Variants in FBXL20 observed in about 807,000 individuals in gnomAD.
FBXL20 encodes F-box and leucine rich repeat protein 20.
FBXL20 carries 11 observed loss-of-function variants against 64.0 expected under a neutral mutation model. The ratio of observed to expected loss-of-function variants is 0.17; its 90% CI spans 0.11 to 0.28. The LOEUF is 0.28. Among genes scored for constraint, FBXL20 ranks in the 10% least tolerant of loss-of-function variants. FBXL20 has a pLI of 1.00. For synonymous variants in FBXL20, 184 were observed against 189.0 expected (o/e 0.97, Z 0.22); for missense variants, 303 against 526.2 (o/e 0.58, Z 4.15).
At chr17:39,370,162 T>A (rs1439200032) in intron 1 of FBXL20, among the ~76,000 whole-genome samples, 2 of 151,418 alleles carry the variant, frequency 1.3e-5, no homozygotes, top group Non-Finnish European at 2.9e-5. Flanking sequence ...AAATAATGTT[T>A]GCATGTGTCC....
At chr17:39,348,117 G>A (rs1444941304) in intron 1 of FBXL20, among the ~76,000 whole-genome samples, 7 of 145,540 alleles carry the variant, frequency 4.8e-5, no homozygotes, top group South Asian at 4.2e-4. Context: ...AGAGAGTCTC[G>A]CAGGGCACAT....
At chr17:39,274,826 G>A (rs1423310237) in intron 10 of FBXL20, 144 bp downstream of exon 10, 9 of 949,026 alleles carry the variant, frequency 9.5e-6, no homozygotes, top group Non-Finnish European at 1.2e-5. Context: ...CAAAAAGGAA[G>A]TAGGTGGGCA....
At chr17:39,312,232 C>G (rs1398263033) in intron 2 of FBXL20, among the ~76,000 whole-genome samples, 1 of 151,768 alleles carries the variant, frequency 6.6e-6, no homozygotes, top group Non-Finnish European at 1.5e-5. Context: ...CTGGCCAACA[C>G]AGTAAAACCC....
chr17:39,377,735 C>T (rs2047981780), intron 1 of FBXL20, among the ~76,000 whole-genome samples: 1 of 152,090 alleles, frequency 6.6e-6, no homozygotes, highest in Non-Finnish European at 1.5e-5. Context: ...ATCTCCTGAC[C>T]TCGTGATCCG....
chr17:39,317,471 C>G (rs1039186036), intron 2 of FBXL20, among the ~76,000 whole-genome samples: 1 of 151,956 alleles, frequency 6.6e-6, no homozygotes, highest in Non-Finnish European at 1.5e-5. Flanking sequence ...ACCACGTGAT[C>G]CGACCGTCTC....
chr17:39,334,874 G>A (rs754007195), intron 2 of FBXL20, among the ~76,000 whole-genome samples: 2 of 152,128 alleles, frequency 1.3e-5, no homozygotes, highest in Admixed American at 6.5e-5. Context: ...TGGATCCTGA[G>A]GTCACAAGAT....
At chr17:39,333,035 T>C (rs1299010636) in intron 2 of FBXL20, among the ~76,000 whole-genome samples, 3 of 151,896 alleles carry the variant, frequency 2.0e-5, no homozygotes, top group African/African-American at 7.3e-5. Flanking sequence ...ACTCCTGGCC[T>C]GAAGCAATCC....
At chr17:39,394,058 G>C (rs568027833) in intron 1 of FBXL20, among the ~76,000 whole-genome samples, 1 of 152,232 alleles carries the variant, frequency 6.6e-6, no homozygotes, top group Admixed American at 6.5e-5. Context: ...TTGGGTGGGA[G>C]GGGTCTGATC....
chr17:39,361,805 A>T (rs914665854), intron 1 of FBXL20, among the ~76,000 whole-genome samples: 3 of 152,032 alleles, frequency 2.0e-5, no homozygotes, highest in Non-Finnish European at 4.4e-5. Flanking sequence ...TCAAAAAAAA[A>T]TGCTTTCTTG....
At chr17:39,305,856 G>C (rs1220833215) in intron 2 of FBXL20, among the ~76,000 whole-genome samples, 2 of 151,786 alleles carry the variant, frequency 1.3e-5, no homozygotes, top group Non-Finnish European at 1.5e-5. Context: ...GTGGTGGTGG[G>C]GGCGCTTGTA....
chr17:39,313,860 C>A (rs1355951700), intron 2 of FBXL20, among the ~76,000 whole-genome samples: 3 of 152,026 alleles, frequency 2.0e-5, no homozygotes, highest in Non-Finnish European at 4.4e-5. Context: ...GTCTCCAACT[C>A]CCGACCTCAA....
At position 39,297,112 on chromosome 17, in the gene FBXL20, A is replaced by T. The variant is rs2047093323; in HGVS notation, c.398+15T>A. The stretch of plus-strand genomic sequence containing the variant: ...AGGGGTTATGACTTATCCTCCAAAA[A>T]CATAAAATACTTACGCGTCTGTTGT... On this transcript the variant is annotated intron_variant, in intron 6 of 14. Coordinates refer to ENST00000264658, the MANE Select transcript of FBXL20 (RefSeq NM_032875.3). 6.3e-7 allele frequency: 1 copy of T among 1,591,118 alleles called. No individual in the cohort carries two copies. Among genetic ancestry groups the T allele is most frequent in the Admixed American group, 1.7e-5 (1 of 59,516 alleles).
upstream of FBXL20, chr17:39,402,053 C>A: frequency 1.1e-6 from 1 of 909,824 alleles, no homozygotes. Context: ...AGGCACGCAC[C>A]TGCCTGCACA....
intron 1 of FBXL20, among the ~76,000 whole-genome samples, chr17:39,374,769 G>A (rs1488732499): frequency 1.3e-5 from 2 of 152,074 alleles, no homozygotes; most frequent in Admixed American, 6.6e-5. Flanking sequence ...TAAGCGGACA[G>A]CTCAAGCTAC....
rs77104811 is a variant in FBXL20, at chr17:39,270,830, T to G, written c.854A>C (p.Gln285Pro). The G allele has an allele frequency of 2.4e-3, 3,937 of 1,607,948 alleles. 5 individuals are homozygous for G. Among genetic ancestry groups the G allele is most frequent in the Non-Finnish European group, 3.2e-3 (3,739 of 1,177,874 alleles). ...LRILEVARCS[Q>P]LTDVGFTTLA... ...AGTGGTAAAGCCCACATCTGTTAAT[T>G]GAGAACATCTTGCCACTTCCAATAT... The change falls in exon 11 of 15, where the codon CAA becomes CCA. Residue 285 changes from glutamine (Q) to proline (P), a missense_variant. By Grantham distance (76) the Gln-to-Pro change is moderately conservative. This residue lies in a region of FBXL20 where 246 missense variants were observed against 422.6 expected (regional missense o/e 0.58). Transcript: ENST00000264658.
intron 1 of FBXL20, among the ~76,000 whole-genome samples, chr17:39,347,847 C>G (rs544313551): frequency 6.6e-6 from 1 of 152,144 alleles, no homozygotes; most frequent in South Asian, 2.1e-4. Context: ...AGTCTTTAAT[C>G]CATCTTGAAT....
chr17:39,293,513 A>G (rs2047059150), intron 6 of FBXL20, among the ~76,000 whole-genome samples: 1 of 152,108 alleles, frequency 6.6e-6, no homozygotes, highest in Admixed American at 6.6e-5. Flanking sequence ...GTGAGCCACC[A>G]TGCCCGGCCT....
At chr17:39,349,351 A>AAAGGCTGGG (rs1555611522) in intron 1 of FBXL20, among the ~76,000 whole-genome samples, 10 of 132,312 alleles carry the variant, frequency 7.6e-5, no homozygotes, top group African/African-American at 3.1e-4. Context: ...AAAAAAAAAA[A>AAAGGCTGGG]AGGCTGGGAT....
chr17:39,350,078 A>G (rs1034706131), intron 1 of FBXL20, among the ~76,000 whole-genome samples: 1 of 152,098 alleles, frequency 6.6e-6, no homozygotes, highest in Non-Finnish European at 1.5e-5. Context: ...TAATTTTAGA[A>G]AACAAAGTAT....
Sources: gnomAD v4.1 joint callset for allele counts (sites outside exome capture counted in the v4.1 genomes callset) on GRCh38, gnomAD v4.1.1 for gene constraint, gnomAD v4.1.1 regional missense constraint, MANE v1.5 for transcripts, NCBI Gene and HGNC (gene_info 2026-07-23, HGNC 2026-07-21) for gene names.